Variants in FARS2 observed in about 807,000 individuals in gnomAD.
FARS2 encodes the protein phenylalanine--tRNA ligase, mitochondrial.
FARS2 carries 40 observed loss-of-function variants against 46.4 expected under a neutral mutation model. That is an observed-to-expected ratio of 0.86 (90% CI 0.67 to 1.12). The LOEUF (loss-of-function observed/expected upper bound fraction) is 1.12, where lower values mean the gene tolerates loss of function less well. FARS2 is among the 50% of genes most tolerant of loss of function. The pLI is 0.00. For synonymous variants in FARS2, 234 were observed against 214.9 expected (o/e 1.09, Z -0.78); for missense variants, 513 against 567.9 (o/e 0.90, Z 0.98).
chr6:5,761,679 A>T (rs1762482360), intron 6 of FARS2, among the ~76,000 whole-genome samples: 1 of 152,198 alleles, frequency 6.6e-6, no homozygotes. Context: ...AGGGCTTTGG[A>T]AATATGTGCA....
At chr6:5,627,537 A>G (rs1442755687) in intron 6 of FARS2, among the ~76,000 whole-genome samples, 2 of 152,222 alleles carry the variant, frequency 1.3e-5, no homozygotes, top group Non-Finnish European at 2.9e-5. Context: ...ATGGCATACA[A>G]TTTTTGAAAT....
intron 4 of FARS2, among the ~76,000 whole-genome samples, chr6:5,494,930 CCTTT>C (rs1389855929): frequency 6.6e-6 from 1 of 152,136 alleles, no homozygotes; most frequent in African/African-American, 2.4e-5. Context: ...CAGATTCATC[CCTTT>C]CTTTTTGACC....
intron 1 of FARS2, among the ~76,000 whole-genome samples, chr6:5,341,213 A>T (rs1231211154): frequency 1.9e-4 from 3 of 15,920 alleles, no homozygotes; most frequent in African/African-American, 7.1e-4. Context: ...ATATATATAT[A>T]TATATATATA....
At chr6:5,569,720 G>A (rs1772530113) in intron 5 of FARS2, among the ~76,000 whole-genome samples, 1 of 152,194 alleles carries the variant, frequency 6.6e-6, no homozygotes, top group African/African-American at 2.4e-5. Flanking sequence ...TGGAGGATGA[G>A]TCAGAGCTGA....
intron 2 of FARS2, among the ~76,000 whole-genome samples, chr6:5,394,977 C>T (rs1225292552): frequency 6.6e-5 from 10 of 151,396 alleles, no homozygotes; most frequent in Admixed American, 1.3e-4. Flanking sequence ...TTTTTTTTGC[C>T]GTTTCTTAGT....
intron 4 of FARS2, among the ~76,000 whole-genome samples, chr6:5,497,863 C>T (rs1406320772): frequency 3.3e-5 from 5 of 152,232 alleles, no homozygotes; most frequent in East Asian, 3.9e-4. Flanking sequence ...GTAATAGGAG[C>T]GTGAGCATCT....
In FARS2 at chr6:5,368,931, A is replaced by G. The variant is rs1057519095; in HGVS notation, c.361A>G (p.Thr121Ala). Residue 121 changes from threonine to alanine, a missense_variant, in exon 2 of 7, where the codon ACG becomes GCG. Thr to Ala is a moderately conservative substitution (Grantham distance 58). Transcript: ENST00000274680. ...SVYDNLSPVV[T>A]TWQNFDSLLI... ...CTACGACAACCTTTCTCCAGTGGTCACGACCTGGCAGAACTTTGACAGCCT... is the reference window on the plus strand; with the variant it reads ...CTACGACAACCTTTCTCCAGTGGTCGCGACCTGGCAGAACTTTGACAGCCT... 1.2e-5 allele frequency: 19 copies of G among 1,614,060 alleles called. 1 individual carries two copies. In the Middle Eastern group the frequency reaches 8.2e-4, roughly 70 times the overall value.
At chr6:5,320,552 T>C (rs908170619) in intron 1 of FARS2, among the ~76,000 whole-genome samples, 3 of 152,246 alleles carry the variant, frequency 2.0e-5, no homozygotes, top group African/African-American at 7.2e-5. Flanking sequence ...GGCATGAATT[T>C]TAACATCAAC....
At position 5,546,669 on chromosome 6, in the gene FARS2, G is replaced by A. The variant is rs191449340; in HGVS notation, c.1065+1329G>A. Among the ~76,000 whole-genome samples the A allele has an allele frequency of 2.2e-3, 339 of 151,438 alleles. 3 individuals are homozygous for A. The highest frequency in any genetic ancestry group is 0.013 in the South Asian group (62 of 4,782). ...CTGATGAAAGGTTTTTTTAATTAAC[G>A]ATTTTCTTTTCCTGTGTGCTTTATT... On this transcript the variant is annotated intron_variant, in intron 5 of 6. Coordinates refer to ENST00000274680, the MANE Select transcript of FARS2 (RefSeq NM_006567.5).
chr6:5,613,398 T>G, intron 6 of FARS2, 78 bp downstream of exon 6: 1 of 1,368,534 alleles, frequency 7.3e-7, no homozygotes, highest in East Asian at 2.4e-5. Flanking sequence ...TCATAAAATT[T>G]GCTGAAACCC....
intron 6 of FARS2, among the ~76,000 whole-genome samples, chr6:5,632,909 C>T (rs962237600): frequency 6.6e-6 from 1 of 151,816 alleles, no homozygotes; most frequent in African/African-American, 2.4e-5. Flanking sequence ...TTTTCATTGC[C>T]TCCTAACCTC....
chr6:5,597,117 A>C (rs950411067), intron 5 of FARS2, among the ~76,000 whole-genome samples: 1 of 152,222 alleles, frequency 6.6e-6, no homozygotes, highest in Non-Finnish European at 1.5e-5. Context: ...GACGGAAAGC[A>C]GCTGCTCCAG....
At chr6:5,646,301 T>A in intron 6 of FARS2, among the ~76,000 whole-genome samples, 1 of 152,156 alleles carries the variant, frequency 6.6e-6, no homozygotes, top group East Asian at 1.9e-4. Flanking sequence ...CAGTGAGAAT[T>A]AGATTAGAGA....
At chr6:5,433,818 G>C (rs771753782) in intron 4 of FARS2, among the ~76,000 whole-genome samples, 4 of 152,194 alleles carry the variant, frequency 2.6e-5, no homozygotes, top group Non-Finnish European at 5.9e-5. Context: ...TTACACATCA[G>C]TTGTTGCTTG....
rs569857851 is a variant in FARS2, at chr6:5,716,544, A to G, written c.1218-54747A>G. The stretch of plus-strand genomic sequence containing the variant: ...AAGCAAGCAATCAGTTCTGCAGCAA[A>G]CACCAGCAGGTGTCCTCCAATTCAG... On this transcript the variant is annotated intron_variant, in intron 6 of 6. Coordinates refer to ENST00000274680, the MANE Select transcript of FARS2 (RefSeq NM_006567.5). 2.0e-5 allele frequency among the ~76,000 whole-genome samples: 3 copies of G among 152,322 alleles called. No individual in the cohort carries two copies. In the East Asian group the frequency reaches 5.8e-4, roughly 29 times the overall value.
At chr6:5,749,120 C>T (rs1474917061) in intron 6 of FARS2, among the ~76,000 whole-genome samples, 2 of 152,222 alleles carry the variant, frequency 1.3e-5, no homozygotes, top group Admixed American at 6.5e-5. Context: ...GGCTGAGCCA[C>T]GGGCCCAGTC....
At chr6:5,758,045 T>C (rs1762299125) in intron 6 of FARS2, among the ~76,000 whole-genome samples, 1 of 152,164 alleles carries the variant, frequency 6.6e-6, no homozygotes. Flanking sequence ...GATAGTCACG[T>C]TCCTCCCTAG....
chr6:5,319,518 T>A lies in FARS2; in HGVS notation c.-21-49032T>A, dbSNP rs554779001. The stretch of plus-strand genomic sequence containing the variant: ...GAGGAGAAATGCCAACTTTGGACCA[T>A]GCCAATGTATAAAACCCCAAGTCAA... On this transcript the variant is annotated intron_variant, in intron 1 of 6. Transcript: ENST00000274680. Among the ~76,000 whole-genome samples, 9 of 152,328 alleles carry A rather than the reference T, an allele frequency of 5.9e-5. No homozygotes were observed. In the South Asian group the frequency reaches 1.9e-3, roughly 32 times the overall value.
intron 4 of FARS2, among the ~76,000 whole-genome samples, chr6:5,481,569 T>C (rs1429073426): frequency 6.6e-6 from 1 of 152,232 alleles, no homozygotes; most frequent in African/African-American, 2.4e-5. Flanking sequence ...GCCCATTAAG[T>C]TGACTCTTTG....
Sources: gnomAD v4.1 joint callset for allele counts (sites outside exome capture counted in the v4.1 genomes callset) on GRCh38, gnomAD v4.1.1 for gene constraint, MANE v1.5 for transcripts, NCBI Gene and HGNC (gene_info 2026-07-23, HGNC 2026-07-21) for gene names.